UCK2: variants seen among roughly 807,000 people sequenced by gnomAD.
The protein encoded by UCK2 is uridine-cytidine kinase 2, also known as cytidine monophosphokinase 2.
UCK2 carries 6 observed loss-of-function variants against 30.8 expected under a neutral mutation model. The observed-to-expected ratio is 0.19, with a 90% CI of 0.11 to 0.38. UCK2 has a LOEUF of 0.38. Among genes scored for constraint, UCK2 ranks in the 10% least tolerant of loss-of-function variants. The pLI is 1.00. For synonymous variants in UCK2, 125 were observed against 133.6 expected (o/e 0.94, Z 0.45); for missense variants, 210 against 339.8 (o/e 0.62, Z 3.00).
intron 1 of UCK2, among the ~76,000 whole-genome samples, chr1:165,881,947 A>G (rs1163207399): frequency 6.6e-6 from 1 of 152,246 alleles, no homozygotes; most frequent in Non-Finnish European, 1.5e-5. Context: ...TAACATCTGC[A>G]TCTTTCTAGG....
chr1:165,832,413 C>G (rs1422797584), intron 1 of UCK2, among the ~76,000 whole-genome samples: 1 of 152,180 alleles, frequency 6.6e-6, no homozygotes, highest in African/African-American at 2.4e-5. Flanking sequence ...GAAAGAAGGT[C>G]TCTGTCCTTA....
At chr1:165,850,602 C>G (rs79429081) in intron 1 of UCK2, among the ~76,000 whole-genome samples, 3 of 141,816 alleles carry the variant, frequency 2.1e-5, no homozygotes, top group African/African-American at 7.9e-5. Context: ...CCACAACATG[C>G]GACTAATTTT....
At chr1:165,829,592 T>C (rs1333438866) in intron 1 of UCK2, among the ~76,000 whole-genome samples, 2 of 152,218 alleles carry the variant, frequency 1.3e-5, no homozygotes, top group East Asian at 3.8e-4. Flanking sequence ...AATAATTTAG[T>C]TACCACGAGG....
chr1:165,881,514 C>G (rs993933430), intron 1 of UCK2, among the ~76,000 whole-genome samples: 3 of 152,210 alleles, frequency 2.0e-5, no homozygotes, highest in Non-Finnish European at 4.4e-5. Flanking sequence ...ACTTTGAAGA[C>G]AGGCTCAACT....
intron 1 of UCK2, among the ~76,000 whole-genome samples, chr1:165,886,313 G>A (rs953971541): frequency 3.3e-5 from 5 of 151,770 alleles, no homozygotes; most frequent in Non-Finnish European, 5.9e-5. Flanking sequence ...TATTTTTTTA[G>A]AGATAGAGTC....
Position 165,903,178 on chromosome 1 carries a change from A to G in UCK2, c.500-4A>G, listed in dbSNP as rs756993666. ...TTTGATTCTTGTTTTCCCTTCTCTT[A>G]CAGTATTAAGGGACATCAGCGAGAG... On this transcript the variant is annotated splice_polypyrimidine_tract_variant and splice_region_variant and intron_variant, in intron 4 of 6. Transcript: ENST00000367879. The G allele has an allele frequency of 1.9e-6, 3 of 1,608,430 alleles. No individual in the cohort carries two copies. Among genetic ancestry groups the G allele is most frequent in the South Asian group, 1.1e-5 (1 of 90,358 alleles).
intron 1 of UCK2, among the ~76,000 whole-genome samples, chr1:165,828,310 C>A (rs913691257): frequency 6.6e-5 from 10 of 152,200 alleles, no homozygotes; most frequent in Non-Finnish European, 1.5e-4. Flanking sequence ...CCCCACTAAC[C>A]CCCGATGGAC....
chr1:165,890,809 A>C (rs559947923), intron 2 of UCK2: 1 of 263,170 alleles, frequency 3.8e-6, no homozygotes, highest in East Asian at 9.8e-5. Flanking sequence ...AGATCAGCAC[A>C]CTGCTCCTTT....
rs1302802623 is a variant in UCK2, at chr1:165,850,977, GTTGCTTGGAC to G, written c.99+23047_99+23056del. 2.2e-3 allele frequency among the ~76,000 whole-genome samples: 253 copies of G among 117,536 alleles called. 2 individuals carry two copies. The highest frequency in any genetic ancestry group is 7.5e-3 in the African/African-American group (237 of 31,428). The allele number at this position is 117,536 out of a possible 152,430, so 77.1% of individuals were successfully genotyped here. ...TTTAATAGAGAATGGGTCTCGCTAT[GTTGCTTGGAC>G]TCCTGGGCTCAAGCAATCCTCCCCC... On this transcript the variant is annotated intron_variant, in intron 1 of 6. Coordinates refer to ENST00000367879, the MANE Select transcript of UCK2 (RefSeq NM_012474.5).
intron 1 of UCK2, among the ~76,000 whole-genome samples, chr1:165,873,598 C>T (rs1036246353): frequency 1.3e-5 from 2 of 152,106 alleles, no homozygotes; most frequent in African/African-American, 4.8e-5. Flanking sequence ...ACCCTTTCTC[C>T]CGTTGGGCTG....
chr1:165,878,042 G>T (rs1655382720), intron 1 of UCK2, among the ~76,000 whole-genome samples: 1 of 151,942 alleles, frequency 6.6e-6, no homozygotes, highest in South Asian at 2.1e-4. Flanking sequence ...ACATTGAGTG[G>T]GTTTGGACAA....
In UCK2 at chr1:165,911,149, C is replaced by G. The variant is rs1243089650; in HGVS notation, c.*3326C>G. 6.6e-6 allele frequency: 1 copy of G among 152,282 alleles called. No individual in the cohort carries two copies. The highest frequency in any genetic ancestry group is 1.5e-5 in the Non-Finnish European group (1 of 68,128). 9.4% of individuals were successfully genotyped at this position (152,282 alleles called of 1,614,324 possible). A position where few individuals can be genotyped will look rare whatever the true frequency, so the allele number is the denominator to read the frequency against. ...CTGTTAAAGATTCCAGGGCCAAGAA[C>G]TCGGCAGGCTGAGGAGCAGCTAGGT... is the stretch of plus-strand genomic sequence containing the variant. On this transcript the variant is annotated 3_prime_UTR_variant, in exon 7 of 7. Coordinates refer to ENST00000367879, the MANE Select transcript of UCK2 (RefSeq NM_012474.5).
chr1:165,856,891 C>T (rs957577954), intron 1 of UCK2, among the ~76,000 whole-genome samples: 2 of 139,530 alleles, frequency 1.4e-5, no homozygotes, highest in Admixed American at 7.9e-5. Context: ...CCCTCATAGG[C>T]GGCCCCAGGG....
At chr1:165,847,453 C>G (rs1330336178) in intron 1 of UCK2, among the ~76,000 whole-genome samples, 1 of 152,146 alleles carries the variant, frequency 6.6e-6, no homozygotes, top group African/African-American at 2.4e-5. Flanking sequence ...CACCCCAGCC[C>G]ATTTTTAAGA....
Position 165,909,023 on chromosome 1 carries a change from C to T in UCK2, c.*1200C>T, listed in dbSNP as rs1416236019. ...TTGCAATACCACCTAGTGGATATGGCAACTGCAGAGCATAAAAGGGGCTCG... is the reference window on the plus strand; with the variant it reads ...TTGCAATACCACCTAGTGGATATGGTAACTGCAGAGCATAAAAGGGGCTCG... On this transcript the variant is annotated 3_prime_UTR_variant, in exon 7 of 7. Transcript: ENST00000367879. The T allele has an allele frequency of 6.6e-6, 1 of 152,186 alleles. No individual in the cohort carries two copies. Among genetic ancestry groups the T allele is most frequent in the Non-Finnish European group, 1.5e-5 (1 of 68,052 alleles). The allele number at this position is 152,186 out of a possible 1,614,324, so 9.4% of individuals were successfully genotyped here.
In UCK2 at chr1:165,908,967, A is replaced by G. The variant is rs1417247248; in HGVS notation, c.*1144A>G. 2 of 152,234 alleles carry G rather than the reference A, an allele frequency of 1.3e-5. No homozygotes were observed. The highest frequency in any genetic ancestry group is 4.8e-5 in the African/African-American group (2 of 41,440). The allele number at this position is 152,234 out of a possible 1,614,324, so 9.4% of individuals were successfully genotyped here. ...GTAACTTTGGTCAGGGATTCTCACT[A>G]GCAGCGTCATGGCCAGGATGCTTTA... is the stretch of plus-strand genomic sequence containing the variant. On this transcript the variant is annotated 3_prime_UTR_variant, in exon 7 of 7. Coordinates refer to ENST00000367879, the MANE Select transcript of UCK2 (RefSeq NM_012474.5).
At chr1:165,903,515 C>G (rs1647550725) in intron 5 of UCK2, among the ~76,000 whole-genome samples, 1 of 152,104 alleles carries the variant, frequency 6.6e-6, no homozygotes, top group African/African-American at 2.4e-5. Context: ...CCTGCCAGTC[C>G]TTAGGCAGGT....
intron 1 of UCK2, among the ~76,000 whole-genome samples, chr1:165,845,914 G>A (rs1654435233): frequency 6.6e-6 from 1 of 152,194 alleles, no homozygotes; most frequent in Non-Finnish European, 1.5e-5. Context: ...TGATCCTCCT[G>A]CCTCGGCCTC....
Position 165,872,155 on chromosome 1 carries a change from A to G in UCK2, c.100-18049A>G, listed in dbSNP as rs570673967. Among the ~76,000 whole-genome samples the G allele has an allele frequency of 2.0e-5, 3 of 152,244 alleles. No homozygotes were observed. The South Asian group carries it at 6.2e-4, about 32-fold the overall frequency. ...AGTGGTGCAATCTCAGCTCACTGCA[A>G]ACACCACCTTCCAGGTTCAAGCGAT... On this transcript the variant is annotated intron_variant, in intron 1 of 6. Coordinates refer to ENST00000367879, the MANE Select transcript of UCK2 (RefSeq NM_012474.5).
Sources: allele counts gnomAD v4.1 joint callset (sites outside exome capture counted in the v4.1 genomes callset), GRCh38; gene constraint gnomAD v4.1.1; transcripts MANE v1.5; gene names NCBI Gene and HGNC (gene_info 2026-07-23, HGNC 2026-07-21).